SERINC2: variants seen among roughly 807,000 people sequenced by gnomAD.
The protein encoded by SERINC2 is serine incorporator 2.
In SERINC2, 56 loss-of-function variants were observed where a neutral mutation model predicts 54.2. The ratio of observed to expected loss-of-function variants is 1.03; its 90% CI spans 0.83 to 1.29. SERINC2 has a LOEUF of 1.29. Among genes scored for constraint, SERINC2 ranks in the 50% most tolerant of loss-of-function variants. SERINC2 has a pLI of 0.00. For synonymous variants in SERINC2, 272 were observed against 253.1 expected (o/e 1.07, Z -0.71); for missense variants, 614 against 607.4 (o/e 1.01, Z -0.12).
Position 31,426,680 on chromosome 1 carries a change from T to C in SERINC2, c.637T>C (p.Tyr213His). The C allele has an allele frequency of 6.2e-7, 1 of 1,612,914 alleles. No homozygotes were observed. The highest frequency in any genetic ancestry group is 8.5e-7 in the Non-Finnish European group (1 of 1,179,018). The stretch of plus-strand genomic sequence containing the variant: ...CCTCTTCTTCTTCACTCTCCTCTTC[T>C]ACTTGCTGTCGATCGCGGCCGTGGC... The part of the protein sequence containing the change: ...AGLFFFTLLF[Y>H]LLSIAAVALM... The change falls in exon 6 of 10, where the codon TAC becomes CAC. Residue 213 changes from tyrosine to histidine, a missense_variant. By Grantham distance (83) the Tyr-to-His change is moderately conservative. Transcript: ENST00000373709.
chr1:31,413,430 G>T lies in SERINC2; in HGVS notation c.39+126G>T. On this transcript the variant is annotated intron_variant, in intron 1 of 9. Transcript: ENST00000373709. This position sits in a 1 kb window ranked among gnomAD's most constrained non-coding sequence, Gnocchi z 5.0. Reference sequence around the variant, plus strand: ...CCTGCAAACTTGTCTTTCTGGGCCGGTGCCCCGCCTGCTCGCCCTCCTGGA... The same window carrying T: ...CCTGCAAACTTGTCTTTCTGGGCCGTTGCCCCGCCTGCTCGCCCTCCTGGA... 2.2e-6 allele frequency: 1 copy of T among 457,960 alleles called. No individual in the cohort carries two copies. Among genetic ancestry groups the T allele is most frequent in the Non-Finnish European group, 3.3e-6 (1 of 299,174 alleles). The allele number at this position is 457,960 out of a possible 1,614,324, so 28.4% of individuals were successfully genotyped here.
chr1:31,425,729 A>C (rs781806577), intron 4 of SERINC2, 47 bp from the exon 5 acceptor site: 6 of 1,598,794 alleles, frequency 3.8e-6, no homozygotes, highest in Non-Finnish European at 5.1e-6. Context: ...GAACGAGTAG[A>C]TGTGAGAGAG....
At position 31,431,689 on chromosome 1, in the gene SERINC2, G is replaced by C. The variant is rs1570064149; in HGVS notation, c.1014-1278G>C. ...CAGCAAAGAAGCATATGCAACCCAT[G>C]AGGGCCAGGACCACCCAATCTGGGC... is the stretch of plus-strand genomic sequence containing the variant. On this transcript the variant is annotated intron_variant, in intron 8 of 9. Transcript: ENST00000373709. Among the ~76,000 whole-genome samples the C allele has an allele frequency of 2.0e-5, 3 of 152,050 alleles. No homozygotes were observed. The South Asian group carries it at 6.2e-4, about 32-fold the overall frequency.
At position 31,434,245 on chromosome 1, in the gene SERINC2, C is replaced by T; in HGVS notation, c.*46C>T. ...TCTGGTGCCTCCTGCCACCTGGTGC[C>T]TCTCGGCTCAGTGACAGCCAACCTG... On this transcript the variant is annotated 3_prime_UTR_variant, in exon 10 of 10. Coordinates refer to ENST00000373709, the MANE Select transcript of SERINC2 (RefSeq NM_178865.5). 1.3e-6 allele frequency: 2 copies of T among 1,590,698 alleles called. No individual in the cohort carries two copies. The highest frequency in any genetic ancestry group is 1.7e-6 in the Non-Finnish European group (2 of 1,169,690).
chr1:31,432,264 C>T (rs974758920), intron 8 of SERINC2, among the ~76,000 whole-genome samples: 1 of 149,152 alleles, frequency 6.7e-6, no homozygotes, highest in Non-Finnish European at 1.5e-5. Context: ...GGTGATTTCT[C>T]AATTTGCTGG....
At chr1:31,417,994 CTA>C (rs1211994367) in intron 1 of SERINC2, among the ~76,000 whole-genome samples, 1 of 151,234 alleles carries the variant, frequency 6.6e-6, no homozygotes, top group East Asian at 2.0e-4. Context: ...GTAGCTGGGA[CTA>C]TAGGCACACA....
rs1389837378 is a variant in SERINC2, at chr1:31,414,337, C to T, written c.39+1033C>T. ...TTCAGGCAGCCCCCTCCCCCTCTGGCCCCACACAAAGAGGCCCTGAGAGGG... is the reference window on the plus strand; with the variant it reads ...TTCAGGCAGCCCCCTCCCCCTCTGGTCCCACACAAAGAGGCCCTGAGAGGG... On this transcript the variant is annotated intron_variant, in intron 1 of 9. Transcript: ENST00000373709. The T allele has an allele frequency of 3.8e-6, 5 of 1,305,900 alleles. No individual in the cohort carries two copies. The African/African-American group carries it at 6.2e-5, about 16-fold the overall frequency. 80.9% of individuals were successfully genotyped at this position (1,305,900 alleles called of 1,614,324 possible). A position where few individuals can be genotyped will look rare whatever the true frequency, so the allele number is the denominator to read the frequency against.
chr1:31,433,292 G>C lies in SERINC2; in HGVS notation c.1232+107G>C, dbSNP rs574363586. 2.9e-4 allele frequency: 271 copies of C among 932,120 alleles called. No individual in the cohort carries two copies. The African/African-American group carries it at 3.8e-3, about 13-fold the overall frequency. The allele number at this position is 932,120 out of a possible 1,614,324, so 57.7% of individuals were successfully genotyped here. A position where few individuals can be genotyped will look rare whatever the true frequency, so the allele number is the denominator to read the frequency against. On this transcript the variant is annotated intron_variant, in intron 9 of 9. Transcript: ENST00000373709. Reference sequence around the variant, plus strand: ...TTTTCCTGATGTCTGCTTAAGGCTTGGGGGTGGCGGTGTGTATCAAGGACC... The same window carrying C: ...TTTTCCTGATGTCTGCTTAAGGCTTCGGGGTGGCGGTGTGTATCAAGGACC...
At chr1:31,419,576 C>G (rs190295811) in intron 1 of SERINC2, among the ~76,000 whole-genome samples, 4 of 152,268 alleles carry the variant, frequency 2.6e-5, no homozygotes, top group Admixed American at 2.0e-4. Context: ...GCCTATAATC[C>G]CAGCACTTTG....
At chr1:31,431,834 G>GGGTGGAGAGGGTGGATAGGGTGGTTA (rs1641231825) in intron 8 of SERINC2, among the ~76,000 whole-genome samples, 1 of 145,640 alleles carries the variant, frequency 6.9e-6, no homozygotes, top group Non-Finnish European at 1.5e-5. Context: ...AGGGTGGATA[G>GGGTGGAGAGGGTGGATAGGGTGGTTA]GGTGGATAGG....
intron 6 of SERINC2, among the ~76,000 whole-genome samples, chr1:31,427,193 G>T (rs1641069155): frequency 6.6e-6 from 1 of 152,128 alleles, no homozygotes; most frequent in Admixed American, 6.5e-5. Flanking sequence ...CAAATCAGTA[G>T]AACATTAGGG....
intron 1 of SERINC2, among the ~76,000 whole-genome samples, chr1:31,421,858 T>C (rs1032743011): frequency 6.6e-6 from 1 of 152,214 alleles, no homozygotes; most frequent in Admixed American, 6.5e-5. Context: ...CTCACCAAGC[T>C]TTGGCCACGA....
At chr1:31,427,671 A>G (rs1641081273) in intron 6 of SERINC2, among the ~76,000 whole-genome samples, 1 of 152,052 alleles carries the variant, frequency 6.6e-6, no homozygotes, top group Non-Finnish European at 1.5e-5. Context: ...CGGACATGTT[A>G]TTTGATCCTC....
upstream of SERINC2, among the ~76,000 whole-genome samples, chr1:31,412,179 G>A (rs982210845): frequency 8.5e-4 from 130 of 152,224 alleles, 1 homozygote; most frequent in Non-Finnish European, 2.1e-4. Context: ...GGCCAGCTTC[G>A]AGGCACAGAG....
At chr1:31,414,450 T>TGTGTGTGTGTGTGTGTGTGTGTGTGTGG (rs1485480338) in intron 1 of SERINC2, 1 of 975,638 alleles carries the variant, frequency 1.0e-6, no homozygotes, top group Admixed American at 6.4e-5. Flanking sequence ...TGTGTGTGTG[T>TGTGTGTGTGTGTGTGTGTGTGTGTGTGG]GTGTGAGAGA....
intron 1 of SERINC2, among the ~76,000 whole-genome samples, chr1:31,422,238 G>A (rs961940013): frequency 6.6e-6 from 1 of 150,630 alleles, no homozygotes; most frequent in African/African-American, 2.4e-5. Context: ...GGCAGAGGTT[G>A]TAGTGAGCTG....
rs868941649 is a variant in SERINC2, at chr1:31,428,871, T to A, written c.781-107T>A. On this transcript the variant is annotated intron_variant, in intron 6 of 9. Coordinates refer to ENST00000373709, the MANE Select transcript of SERINC2 (RefSeq NM_178865.5). ...TCCCTAAGTGGGGTGTGGTGGGGTATCCTAGGTGGGTGGGAGTTTCTGAGG... is the reference window on the plus strand; with the variant it reads ...TCCCTAAGTGGGGTGTGGTGGGGTAACCTAGGTGGGTGGGAGTTTCTGAGG... 29 of 840,126 alleles carry A rather than the reference T, an allele frequency of 3.5e-5. No individual in the cohort carries two copies. The Middle Eastern group carries it at 1.3e-3, about 38-fold the overall frequency. 52.0% of individuals were successfully genotyped at this position (840,126 alleles called of 1,614,324 possible).
rs374581018 is a variant in SERINC2 at position 31,423,872 on chromosome 1, G to T, written c.201+18G>T. The T allele has an allele frequency of 1.3e-5, 21 of 1,609,954 alleles. No individual in the cohort carries two copies. In the African/African-American group the frequency reaches 2.5e-4, roughly 19 times the overall value. ...TCTACAAGGTGAGTGCCCCAGGGGA[G>T]GCAGGGCGGCCTCCAGCGAGGGGCG... On this transcript the variant is annotated intron_variant, in intron 2 of 9. Coordinates refer to ENST00000373709, the MANE Select transcript of SERINC2 (RefSeq NM_178865.5).
chr1:31,425,502 C>T, intron 4 of SERINC2, 93 bp downstream of exon 4: 1 of 1,010,078 alleles, frequency 9.9e-7, no homozygotes, highest in Non-Finnish European at 1.6e-6. Flanking sequence ...TTTGCTGGGG[C>T]ACACAGACCC....
Sources: allele counts gnomAD v4.1 joint callset (sites outside exome capture counted in the v4.1 genomes callset), GRCh38; gene constraint gnomAD v4.1.1; non-coding constraint Gnocchi (gnomAD v3.1); transcripts MANE v1.5; gene names NCBI Gene and HGNC (gene_info 2026-07-23, HGNC 2026-07-21).